The following CEP83 variants were observed in gnomAD, a reference collection of about 807,000 sequenced individuals.
The protein encoded by CEP83 is centrosomal protein of 83 kDa.
A neutral mutation model predicts 101.9 loss-of-function variants in CEP83; 70 were observed. The ratio of observed to expected loss-of-function variants is 0.69; its 90% CI spans 0.57 to 0.84. The LOEUF is 0.84. CEP83 is among the 40% of genes least tolerant of loss of function. CEP83 has a pLI of 0.00. For missense variants in CEP83, 715 were observed against 787.2 expected (o/e 0.91, Z 1.10); for synonymous variants, 264 against 267.9 (o/e 0.99, Z 0.14).
At chr12:94,411,547 T>C (rs529957189) in intron 4 of CEP83, 150 bp downstream of exon 4, 12 of 597,346 alleles carry the variant, frequency 2.0e-5, no homozygotes, top group South Asian at 1.8e-4. Flanking sequence ...CTAAAATATA[T>C]GAAAGAAGAT....
chr12:94,328,254 T>C, intron 14 of CEP83: 2 of 353,800 alleles, frequency 5.7e-6, no homozygotes, highest in Non-Finnish European at 5.7e-6. Flanking sequence ...GGGAATACAC[T>C]CTCTCTGTAT....
rs12425532 is a variant in CEP83 at position 94,335,904 on chromosome 12, T to C, written c.1344-240A>G. The C allele has an allele frequency of 0.11, 47,033 of 424,610 alleles. 2,885 individuals are homozygous for C. Among genetic ancestry groups the C allele is most frequent in the Admixed American group, 0.16 (3,605 of 22,578 alleles). 26.3% of individuals were successfully genotyped at this position (424,610 alleles called of 1,614,324 possible). A position where few individuals can be genotyped will look rare whatever the true frequency, so the allele number is the denominator to read the frequency against. ...TAGAGAGGATAAGAAATCAAGTCTGTCCAGGGGTACTGGGGAACGCTACAT... is the reference window on the plus strand; with the variant it reads ...TAGAGAGGATAAGAAATCAAGTCTGCCCAGGGGTACTGGGGAACGCTACAT... On this transcript the variant is annotated intron_variant, in intron 11 of 16. Transcript: ENST00000397809.
chr12:94,358,313 T>G (rs1485554824), intron 11 of CEP83, among the ~76,000 whole-genome samples: 1 of 152,010 alleles, frequency 6.6e-6, no homozygotes, highest in African/African-American at 2.4e-5. Context: ...CAATATACAA[T>G]GCATGAAATG....
At chr12:94,288,179 A>G in the CEP83 span, among the ~76,000 whole-genome samples, 1 of 152,252 alleles carries the variant, frequency 6.6e-6, no homozygotes, top group Non-Finnish European at 1.5e-5. Context: ...AAATTCATAA[A>G]GGGTAACTTC....
intron 6 of CEP83, among the ~76,000 whole-genome samples, chr12:94,399,083 C>T (rs2063088801): frequency 6.6e-6 from 1 of 152,158 alleles, no homozygotes; most frequent in Admixed American, 6.5e-5. Flanking sequence ...GCCTTGTGAT[C>T]TTTGTTTCTG....
At chr12:94,283,338 A>C in the CEP83 span, among the ~76,000 whole-genome samples, 34 of 152,284 alleles carry the variant, frequency 2.2e-4, no homozygotes, top group African/African-American at 7.7e-4. Context: ...TGCGTGTTAG[A>C]CTAGTCAAAA....
intron 1 of CEP83, among the ~76,000 whole-genome samples, chr12:94,445,755 A>T (rs1207770187): frequency 6.6e-6 from 1 of 152,208 alleles, no homozygotes; most frequent in Non-Finnish European, 1.5e-5. Context: ...TCCTCTTCTC[A>T]TATCCTAAAG....
At chr12:94,418,350 G>C (rs1167770303) in intron 2 of CEP83, among the ~76,000 whole-genome samples, 1 of 152,100 alleles carries the variant, frequency 6.6e-6, no homozygotes, top group African/African-American at 2.4e-5. Flanking sequence ...GACAGACTGA[G>C]ACTCTGTCTT....
the CEP83 span, among the ~76,000 whole-genome samples, chr12:94,273,909 C>T: frequency 6.6e-6 from 1 of 152,042 alleles, no homozygotes; most frequent in African/African-American, 2.4e-5. Context: ...CCAAGCCGGT[C>T]CCTACATTCC....
downstream of CEP83, chr12:94,305,241 G>A: frequency 6.2e-7 from 1 of 1,611,508 alleles, no homozygotes; most frequent in East Asian, 2.2e-5. Context: ...ACTCTTGCAT[G>A]TAAAAGTCTT....
chr12:94,384,489 C>T (rs2062023413), intron 6 of CEP83, among the ~76,000 whole-genome samples: 1 of 152,160 alleles, frequency 6.6e-6, no homozygotes, highest in Non-Finnish European at 1.5e-5. Flanking sequence ...TCTTCCATTA[C>T]CTTCTCACCC....
intron 11 of CEP83, among the ~76,000 whole-genome samples, chr12:94,367,363 T>C (rs971025831): frequency 6.6e-6 from 1 of 152,088 alleles, no homozygotes; most frequent in South Asian, 2.1e-4. Flanking sequence ...TGAGGACACA[T>C]GACTTTGATG....
the CEP83 span, among the ~76,000 whole-genome samples, chr12:94,271,157 A>G: frequency 6.6e-6 from 1 of 152,258 alleles, no homozygotes; most frequent in Non-Finnish European, 1.5e-5. Flanking sequence ...AAATAAAATT[A>G]GAAATATATT....
Position 94,397,471 on chromosome 12 carries a change from C to G in CEP83, c.549+3379G>C, listed in dbSNP as rs191994451. On this transcript the variant is annotated intron_variant, in intron 6 of 16. Transcript: ENST00000397809. The stretch of plus-strand genomic sequence containing the variant: ...CGAGATTGCATCACTGCACCCCAGC[C>G]TGGGCGACAGAGCAAGACTCCATCT... 3.2e-3 allele frequency among the ~76,000 whole-genome samples: 481 copies of G among 151,696 alleles called. 3 individuals carry two copies. The highest frequency in any genetic ancestry group is 0.011 in the African/African-American group (459 of 41,314).
the CEP83 span, among the ~76,000 whole-genome samples, chr12:94,290,524 CCCA>C: frequency 6.6e-6 from 1 of 152,246 alleles, no homozygotes; most frequent in Non-Finnish European, 1.5e-5. Context: ...CTGCCCCCAC[CCCA>C]CCACCAAGAT....
At chr12:94,293,765 T>G in the CEP83 span, among the ~76,000 whole-genome samples, 3 of 152,146 alleles carry the variant, frequency 2.0e-5, no homozygotes, top group Non-Finnish European at 4.4e-5. Context: ...ACTACAGGTG[T>G]GCACCAATGC....
the CEP83 span, among the ~76,000 whole-genome samples, chr12:94,294,758 C>A: frequency 6.6e-6 from 1 of 152,154 alleles, no homozygotes; most frequent in African/African-American, 2.4e-5. Flanking sequence ...CCTGGACTGC[C>A]CAGCACTGAG....
intron 6 of CEP83, among the ~76,000 whole-genome samples, chr12:94,380,438 A>T (rs1364226216): frequency 6.6e-6 from 1 of 152,154 alleles, no homozygotes; most frequent in Non-Finnish European, 1.5e-5. Context: ...AAGTCCTCAA[A>T]AGCCCAACTA....
chr12:94,423,751 T>A, intron 2 of CEP83: 1 of 1,613,204 alleles, frequency 6.2e-7, no homozygotes. Context: ...CTGTTACTTG[T>A]TGAACTGGAA....
Sources: allele counts gnomAD v4.1 joint callset (sites outside exome capture counted in the v4.1 genomes callset), GRCh38; gene constraint gnomAD v4.1.1; transcripts MANE v1.5; gene names NCBI Gene and HGNC (gene_info 2026-07-23, HGNC 2026-07-21).